Variants in SLC14A1 observed in about 807,000 individuals in gnomAD.
SLC14A1 encodes the protein urea transporter 1.
SLC14A1 carries 36 observed loss-of-function variants against 39.6 expected under a neutral mutation model. The observed-to-expected ratio is 0.91, with a 90% CI of 0.70 to 1.20. The LOEUF is 1.20. Ranked by LOEUF, SLC14A1 falls within the 50% of genes most tolerant of loss-of-function variation. SLC14A1 has a pLI of 0.00. For synonymous variants in SLC14A1, 164 were observed against 173.6 expected (o/e 0.94, Z 0.43); for missense variants, 469 against 478.7 (o/e 0.98, Z 0.19).
In SLC14A1 at chr18:45,735,999, T is replaced by C. The variant is rs181898606; in HGVS notation, c.471-457T>C. 3.7e-3 allele frequency among the ~76,000 whole-genome samples: 562 copies of C among 152,328 alleles called. 2 individuals are homozygous for C. The highest frequency in any genetic ancestry group is 6.8e-3 in the Non-Finnish European group (461 of 68,028). ...TCATTTTCCTCCAGCTCACACTACC[T>C]GCATCCTTGAACGATTGTTTCTCTT... On this transcript the variant is annotated intron_variant, in intron 5 of 9. Coordinates refer to ENST00000321925, the MANE Select transcript of SLC14A1 (RefSeq NM_015865.7).
intron 2 of SLC14A1, chr18:45,727,510 G>A (rs2046905577): frequency 7.1e-7 from 1 of 1,410,590 alleles, no homozygotes; most frequent in Non-Finnish European, 9.4e-7. Flanking sequence ...CTGGGAAGTG[G>A]GGGTTGGCTG....
Position 45,751,362 on chromosome 18 carries a change from CAA to C in SLC14A1, c.*1415_*1416del, listed in dbSNP as rs2047702140. The C allele has an allele frequency of 1.8e-5, 14 of 776,586 alleles. No homozygotes were observed. The African/African-American group carries it at 2.6e-4, about 14-fold the overall frequency. 48.1% of individuals were successfully genotyped at this position (776,586 alleles called of 1,614,324 possible). On this transcript the variant is annotated 3_prime_UTR_variant, in exon 10 of 10. Coordinates refer to ENST00000321925, the MANE Select transcript of SLC14A1 (RefSeq NM_015865.7). Reference sequence around the variant, plus strand: ...TCTCTCAAAAAAAAAAAAAAACAAACAAAAACAAAAACAAAACAAAACAAAAC... The same window carrying C: ...TCTCTCAAAAAAAAAAAAAAACAAACAAACAAAAACAAAACAAAACAAAAC...
At chr18:45,741,201 A>T (rs2144817087) in intron 8 of SLC14A1, 1 of 152,336 alleles carries the variant, frequency 6.6e-6, no homozygotes, top group Middle Eastern at 3.4e-3. Flanking sequence ...TGTGATTTGG[A>T]TCTGAAAAGC....
intron 6 of SLC14A1, among the ~76,000 whole-genome samples, chr18:45,737,996 A>G (rs2047247205): frequency 6.6e-6 from 1 of 152,206 alleles, no homozygotes; most frequent in African/African-American, 2.4e-5. Flanking sequence ...AAAACAAACA[A>G]ACAAACAAAA....
chr18:45,727,171 G>GC (rs2046887321), intron 2 of SLC14A1: 1 of 1,284,740 alleles, frequency 7.8e-7, no homozygotes, highest in Non-Finnish European at 1.1e-6. Flanking sequence ...GCGCGCTCCA[G>GC]CCCCCCTCAG....
At chr18:45,735,877 A>T (rs1295461985) in intron 5 of SLC14A1, among the ~76,000 whole-genome samples, 2 of 152,200 alleles carry the variant, frequency 1.3e-5, no homozygotes. Context: ...CCAGCCCCAC[A>T]GTTTATGGGC....
intron 4 of SLC14A1, among the ~76,000 whole-genome samples, chr18:45,732,736 C>A (rs2047070320): frequency 6.6e-6 from 1 of 152,224 alleles, no homozygotes; most frequent in Non-Finnish European, 1.5e-5. Flanking sequence ...CATCCCCCTA[C>A]AGACATCATC....
intron 8 of SLC14A1, among the ~76,000 whole-genome samples, chr18:45,747,532 C>CA (rs10717574): frequency 1.8e-3 from 256 of 145,886 alleles, no homozygotes; most frequent in African/African-American, 5.5e-3. Flanking sequence ...ACTAACAATA[C>CA]AAAAAAAAAA....
rs78910471 is a variant in SLC14A1 at position 45,725,328 on chromosome 18, G to T, written c.-22+315G>T. ...ATCTGGGGTATGAAAAGTGCTTTTT[G>T]ACTTCTGCTGGAAAGCTCTTCAGGT... On this transcript the variant is annotated intron_variant, in intron 2 of 9. Transcript: ENST00000321925. 3.9e-3 allele frequency among the ~76,000 whole-genome samples: 598 copies of T among 152,260 alleles called. 4 individuals are homozygous for T. The highest frequency in any genetic ancestry group is 0.014 in the African/African-American group (574 of 41,546).
chr18:45,739,839 A>T (rs183851139), intron 8 of SLC14A1, 177 bp downstream of exon 8: 4 of 684,488 alleles, frequency 5.8e-6, no homozygotes, highest in Non-Finnish European at 1.0e-5. Flanking sequence ...CATTAAAATC[A>T]CCTCTGCCTA....
rs535711192 is a variant in SLC14A1, at chr18:45,749,981, G to A, written c.*30G>A. ...AAGCCCCATTTGCAGCCATGGTCACGAGTCATTTCTGCCTGACTGCTCCAG... is the reference window on the plus strand; with the variant it reads ...AAGCCCCATTTGCAGCCATGGTCACAAGTCATTTCTGCCTGACTGCTCCAG... On this transcript the variant is annotated 3_prime_UTR_variant, in exon 10 of 10. Coordinates refer to ENST00000321925, the MANE Select transcript of SLC14A1 (RefSeq NM_015865.7). The A allele has an allele frequency of 9.3e-6, 15 of 1,614,066 alleles. No individual in the cohort carries two copies. Among genetic ancestry groups the A allele is most frequent in the South Asian group, 5.5e-5 (5 of 91,080 alleles).
chr18:45,736,389 G>A (rs889192289), intron 5 of SLC14A1, 67 bp from the exon 6 acceptor site: 14 of 1,496,222 alleles, frequency 9.4e-6, no homozygotes, highest in Non-Finnish European at 1.1e-5. Flanking sequence ...CCCCTCCAGA[G>A]TATAGCGATT....
At position 45,751,667 on chromosome 18, in the gene SLC14A1, C is replaced by A; in HGVS notation, c.*1716C>A. ...GTGTAGCAGCACACATCTGCAGCAG[C>A]TACTCAGGAGGCTGAGGTGGAAAGA... On this transcript the variant is annotated 3_prime_UTR_variant, in exon 10 of 10. Transcript: ENST00000321925. 2.4e-6 allele frequency: 1 copy of A among 423,950 alleles called. No individual in the cohort carries two copies. The highest frequency in any genetic ancestry group is 3.2e-6 in the Non-Finnish European group (1 of 317,436). 26.3% of individuals were successfully genotyped at this position (423,950 alleles called of 1,614,324 possible). A position where few individuals can be genotyped will look rare whatever the true frequency, so the allele number is the denominator to read the frequency against.
intron 8 of SLC14A1, among the ~76,000 whole-genome samples, chr18:45,746,029 C>G (rs1284908051): frequency 6.6e-6 from 1 of 152,236 alleles, no homozygotes; most frequent in Non-Finnish European, 1.5e-5. Flanking sequence ...ACTCAGGAAA[C>G]TCTGACAGAA....
At chr18:45,732,681 C>T (rs2047068100) in intron 4 of SLC14A1, among the ~76,000 whole-genome samples, 1 of 152,184 alleles carries the variant, frequency 6.6e-6, no homozygotes, top group South Asian at 2.1e-4. Context: ...CCTGCTCGAG[C>T]CCAGCATTAG....
Position 45,750,531 on chromosome 18 carries a change from G to C in SLC14A1, c.*580G>C. ...GGCCTGCACCCTATCCCTTGTGTGT[G>C]TGACATTCTCTCATGGGACAATGTT... On this transcript the variant is annotated 3_prime_UTR_variant, in exon 10 of 10. Transcript: ENST00000321925. The C allele has an allele frequency of 2.0e-6, 2 of 992,014 alleles. No individual in the cohort carries two copies. The highest frequency in any genetic ancestry group is 2.4e-6 in the Non-Finnish European group (2 of 833,670). 61.5% of individuals were successfully genotyped at this position (992,014 alleles called of 1,614,324 possible).
intron 2 of SLC14A1, chr18:45,727,044 C>T (rs764338415): frequency 1.9e-4 from 96 of 503,324 alleles, no homozygotes; most frequent in Non-Finnish European, 3.2e-4. Context: ...ATCAAATTTC[C>T]ATAGTCAGCT....
At chr18:45,734,890 G>A (rs1455625549) in intron 5 of SLC14A1, among the ~76,000 whole-genome samples, 1 of 152,170 alleles carries the variant, frequency 6.6e-6, no homozygotes, top group Non-Finnish European at 1.5e-5. Flanking sequence ...CTGTCTATTG[G>A]AAACAGAAAC....
rs2047408649 is a variant in SLC14A1, at chr18:45,742,439, AAC to A, written c.946+2778_946+2779del. Among the ~76,000 whole-genome samples, 6 of 142,184 alleles carry A rather than the reference AAC, an allele frequency of 4.2e-5. No homozygotes were observed. In the Admixed American group the frequency reaches 4.5e-4, roughly 11 times the overall value. The allele number at this position is 142,184 out of a possible 152,430, so 93.3% of individuals were successfully genotyped here. On this transcript the variant is annotated intron_variant, in intron 8 of 9. Transcript: ENST00000321925. The stretch of plus-strand genomic sequence containing the variant: ...CAGTGGCACGATCTTGGCTCACTGC[AAC>A]CTCCGACTCCCTGGTTCAAGCGGTT...
Sources: gnomAD v4.1 joint callset for allele counts (sites outside exome capture counted in the v4.1 genomes callset) on GRCh38, gnomAD v4.1.1 for gene constraint, MANE v1.5 for transcripts, NCBI Gene and HGNC (gene_info 2026-07-23, HGNC 2026-07-21) for gene names.